The following SLC25A27 variants were observed in gnomAD, a reference collection of about 807,000 sequenced individuals.
SLC25A27 encodes the protein solute carrier family 25 member 27.
SLC25A27 carries 35 observed loss-of-function variants against 49.1 expected under a neutral mutation model. That is an observed-to-expected ratio of 0.71 (90% CI 0.54 to 0.95). SLC25A27 has a LOEUF of 0.95. Among genes scored for constraint, SLC25A27 ranks in the 40% least tolerant of loss-of-function variants. SLC25A27 has a pLI of 0.00. For missense variants in SLC25A27, 339 were observed against 397.1 expected, an observed-to-expected ratio of 0.85 and a Z score of 1.24; for synonymous variants, 144 against 136.9, an observed-to-expected ratio of 1.05 and a Z score of -0.36.
chr6:46,665,643 G>T (rs1367231191), intron 5 of SLC25A27, among the ~76,000 whole-genome samples: 1 of 151,892 alleles, frequency 6.6e-6, no homozygotes, highest in African/African-American at 2.4e-5. Flanking sequence ...CTGAGATCGC[G>T]CCACTGTACT....
chr6:46,654,255 T>G (rs1367926540), intron 1 of SLC25A27: 1 of 349,678 alleles, frequency 2.9e-6, no homozygotes, highest in African/African-American at 2.2e-5. Flanking sequence ...CGTTATCATT[T>G]GTAAATGTTA....
chr6:46,672,316 G>C (rs1046587866), intron 8 of SLC25A27, among the ~76,000 whole-genome samples: 1 of 152,016 alleles, frequency 6.6e-6, no homozygotes, highest in Non-Finnish European at 1.5e-5. Flanking sequence ...GAGTCAAGGG[G>C]TGAGACCACA....
Position 46,677,090 on chromosome 6 carries a change from G to T in SLC25A27, c.*636G>T. 1 of 194,078 alleles carries T rather than the reference G, an allele frequency of 5.2e-6. No individual in the cohort carries two copies. Among genetic ancestry groups the T allele is most frequent in the Non-Finnish European group, 1.1e-5 (1 of 94,134 alleles). 12.0% of individuals were successfully genotyped at this position (194,078 alleles called of 1,614,324 possible). A position where few individuals can be genotyped will look rare whatever the true frequency, so the allele number is the denominator to read the frequency against. On this transcript the variant is annotated 3_prime_UTR_variant, in exon 9 of 9. Transcript: ENST00000371347. ...TGATGTTTGAATTTCAAGAAAAGAG[G>T]CTGCTTTCTGTCAGTGCCCTCTCAT... is the stretch of plus-strand genomic sequence containing the variant.
At chr6:46,676,299 G>T in intron 8 of SLC25A27, 84 bp from the exon 9 acceptor site, 2 of 1,288,150 alleles carry the variant, frequency 1.6e-6, no homozygotes, top group Non-Finnish European at 1.1e-6. Flanking sequence ...AAATGACTTT[G>T]TCATTCAAAT....
intron 2 of SLC25A27, among the ~76,000 whole-genome samples, chr6:46,657,945 C>T (rs1763040427): frequency 6.6e-6 from 1 of 152,186 alleles, no homozygotes; most frequent in Non-Finnish European, 1.5e-5. Flanking sequence ...CATTTTTCTG[C>T]TCTGCTTCCA....
chr6:46,653,492 T>G, intron 1 of SLC25A27, 194 bp downstream of exon 1: 1 of 985,466 alleles, frequency 1.0e-6, no homozygotes, highest in Non-Finnish European at 1.2e-6. Context: ...GGCCTTTTCC[T>G]TCTAATCTCT....
At chr6:46,668,914 G>C in intron 6 of SLC25A27, 121 bp downstream of exon 6, 2 of 575,558 alleles carry the variant, frequency 3.5e-6, no homozygotes. Context: ...TTAGAGAAGA[G>C]TACATTTATA....
At chr6:46,657,693 A>C (rs1355948010) in intron 2 of SLC25A27, among the ~76,000 whole-genome samples, 1 of 152,182 alleles carries the variant, frequency 6.6e-6, no homozygotes, top group African/African-American at 2.4e-5. Context: ...ACAGAATTTA[A>C]ATTTTTCATA....
Position 46,656,017 on chromosome 6 carries a change from C to T in SLC25A27, c.281C>T (p.Ala94Val). 6.2e-7 allele frequency: 1 copy of T among 1,610,032 alleles called. No homozygotes were observed. Among genetic ancestry groups the T allele is most frequent in the Non-Finnish European group, 8.5e-7 (1 of 1,178,630 alleles). The change falls in exon 2 of 9, where the codon GCC becomes GTC. Residue 94 changes from alanine (A) to valine (V), a missense_variant. Physicochemically the swap from Ala to Val is moderately conservative, Grantham distance 64. Transcript: ENST00000371347. The stretch of plus-strand genomic sequence containing the variant: ...AAGCTTTGGCAAGGAGTGACACCCG[C>T]CATTTACAGACACGTAGGTATTTAT... ...FLKLWQGVTP[A>V]IYRHVVYSGG...
chr6:46,658,670 A>G (rs1472486028), intron 2 of SLC25A27: 1 of 419,156 alleles, frequency 2.4e-6, no homozygotes, highest in African/African-American at 2.1e-5. Context: ...TTTCTGAAAA[A>G]CATGTTTTTG....
Position 46,653,201 on chromosome 6 carries a change from C to T in SLC25A27, c.9C>T (p.Val3=). 6.2e-7 allele frequency: 1 copy of T among 1,613,386 alleles called. No homozygotes were observed. Among genetic ancestry groups the T allele is most frequent in the East Asian group, 2.2e-5 (1 of 44,840 alleles). The change falls in exon 1 of 9, where the codon GTC becomes GTT. Residue 3 remains valine (V), a synonymous_variant. Coordinates refer to ENST00000371347, the MANE Select transcript of SLC25A27 (RefSeq NM_004277.5). ...TCTTGCGCTACTGCTGAATGTCCGTCCCGGAGGAGGAGGAGAGGCTTTTGC... is the reference window on the plus strand; with the variant it reads ...TCTTGCGCTACTGCTGAATGTCCGTTCCGGAGGAGGAGGAGAGGCTTTTGC... MS[V]PEEEERLLPL...
At chr6:46,653,941 T>A (rs1308147540) in intron 1 of SLC25A27, 1 of 798,288 alleles carries the variant, frequency 1.3e-6, no homozygotes, top group Non-Finnish European at 1.5e-6. Flanking sequence ...GTTCTGACCT[T>A]CTTACAGGCT....
In SLC25A27 at chr6:46,678,087, G is replaced by A. The variant is rs1318924744; in HGVS notation, c.*1633G>A. ...ATATGCTTAACTTCCCAAGTGTTCT[G>A]CATTGAACCACTTAGGGAAAATTTT... is the stretch of plus-strand genomic sequence containing the variant. On this transcript the variant is annotated 3_prime_UTR_variant, in exon 9 of 9. Coordinates refer to ENST00000371347, the MANE Select transcript of SLC25A27 (RefSeq NM_004277.5). 1.6e-5 allele frequency: 2 copies of A among 125,078 alleles called. No individual in the cohort carries two copies. The highest frequency in any genetic ancestry group is 6.0e-5 in the African/African-American group (2 of 33,142). 7.7% of individuals were successfully genotyped at this position (125,078 alleles called of 1,614,324 possible).
intron 6 of SLC25A27, among the ~76,000 whole-genome samples, chr6:46,669,575 G>GGT (rs1034255291): frequency 6.6e-6 from 1 of 152,036 alleles, no homozygotes; most frequent in South Asian, 2.1e-4. Context: ...TGGAGGTAGG[G>GGT]GTGTGTGTGT....
At chr6:46,656,255 A>T (rs1361274631) in intron 2 of SLC25A27, among the ~76,000 whole-genome samples, 1 of 151,026 alleles carries the variant, frequency 6.6e-6, no homozygotes, top group African/African-American at 2.4e-5. Context: ...ATCTCAGCTC[A>T]CTGCAACCTC....
At chr6:46,674,913 GT>G in intron 8 of SLC25A27, among the ~76,000 whole-genome samples, 1 of 152,088 alleles carries the variant, frequency 6.6e-6, no homozygotes, top group Non-Finnish European at 1.5e-5. Context: ...CCTGCTTCTG[GT>G]TTTTCTCTAG....
intron 1 of SLC25A27, 131 bp downstream of exon 1, chr6:46,653,429 G>T: frequency 7.0e-7 from 1 of 1,433,452 alleles, no homozygotes; most frequent in Non-Finnish European, 9.1e-7. Flanking sequence ...CCTGGCAGAG[G>T]TGGCGGTGGA....
Position 46,676,432 on chromosome 6 carries a change from T to C in SLC25A27, c.950T>C (p.Met317Thr), listed in dbSNP as rs755885581. ...CTTACTTATGAAAAAATCAGAGAGA[T>C]GAGTGGAGTCAGTCCATTTTAAACC... Reference protein sequence around the residue: ...FWLTYEKIREMSGVSPF With the variant: ...FWLTYEKIRETSGVSPF Residue 317 changes from methionine to threonine, a missense_variant, in exon 9 of 9, where the codon ATG (methionine) becomes ACG (threonine). Coordinates refer to ENST00000371347, the MANE Select transcript of SLC25A27 (RefSeq NM_004277.5). 1 of 1,613,978 alleles carries C rather than the reference T, an allele frequency of 6.2e-7. No homozygotes were observed. The highest frequency in any genetic ancestry group is 8.5e-7 in the Non-Finnish European group (1 of 1,179,884).
Position 46,667,232 on chromosome 6 carries a change from A to G in SLC25A27, c.620-1477A>G, listed in dbSNP as rs532461350. Among the ~76,000 whole-genome samples the G allele has an allele frequency of 1.4e-3, 216 of 152,212 alleles. 1 individual carries two copies. The highest frequency in any genetic ancestry group is 2.5e-3 in the Non-Finnish European group (172 of 68,018). On this transcript the variant is annotated intron_variant, in intron 5 of 8. Transcript: ENST00000371347. ...TGTTTTTGATTTCTTTCTCCGTTCC[A>G]TATTCGGTTTGCTGGCTGATCCTGT...
Sources: gnomAD v4.1 joint callset for allele counts (sites outside exome capture counted in the v4.1 genomes callset) on GRCh38, gnomAD v4.1.1 for gene constraint, MANE v1.5 for transcripts, NCBI Gene and HGNC (gene_info 2026-07-23, HGNC 2026-07-21) for gene names.